TENM3: variants seen among roughly 807,000 people sequenced by gnomAD.
The protein encoded by TENM3 is teneurin transmembrane protein 3, also known as teneurin-3.
A neutral mutation model predicts 255.1 loss-of-function variants in TENM3; 63 were observed. The ratio of observed to expected loss-of-function variants is 0.25; its 90% CI spans 0.20 to 0.30. TENM3 has a LOEUF of 0.30. Among genes scored for constraint, TENM3 ranks in the 10% least tolerant of loss-of-function variants. The pLI is 1.00. For missense variants in TENM3, 2,929 were observed against 3,461.1 expected (o/e 0.85, Z 3.86); for synonymous variants, 1,306 against 1,322.3 (o/e 0.99, Z 0.27).
intron 1 of TENM3, among the ~76,000 whole-genome samples, chr4:182,167,857 C>G (rs1169499388): frequency 1.3e-5 from 2 of 152,148 alleles, no homozygotes; most frequent in African/African-American, 4.8e-5. Context: ...GTGCTCCAGC[C>G]TGGGTGACGG....
In TENM3 at chr4:182,793,760, G is replaced by A. The variant is rs1766285013; in HGVS notation, c.7088G>A (p.Arg2363Gln). ...GERDYDILAG[R>Q]WTTPDIEIWK... is the part of the protein sequence containing the mutation. ...AGAGATTATGACATTTTGGCAGGAC[G>A]GTGGACAACACCTGACATAGAAATC... The change falls in exon 26 of 28, where the codon CGG becomes CAG. Residue 2363 changes from arginine to glutamine, a missense_variant. Arg to Gln is a conservative substitution (Grantham distance 43). Transcript: ENST00000511685. This position sits in a 1 kb window ranked among gnomAD's most constrained non-coding sequence, Gnocchi z 5.7. 1.2e-6 allele frequency: 2 copies of A among 1,613,950 alleles called. No homozygotes were observed. Among genetic ancestry groups the A allele is most frequent in the Non-Finnish European group, 1.7e-6 (2 of 1,179,874 alleles).
chr4:181,533,024 C>T, the TENM3 span, among the ~76,000 whole-genome samples: 7 of 152,112 alleles, frequency 4.6e-5, no homozygotes, highest in Non-Finnish European at 1.0e-4. Flanking sequence ...ATTTTACAAA[C>T]GTGAAGACAT....
In TENM3 at chr4:182,560,415, T is replaced by A. The variant is rs1350482503; in HGVS notation, c.512-40509T>A. Among the ~76,000 whole-genome samples, 3 of 152,170 alleles carry A rather than the reference T, an allele frequency of 2.0e-5. No individual in the cohort carries two copies. In the East Asian group the frequency reaches 5.8e-4, roughly 29 times the overall value. ...TTCAATATTTCAAAACTTTCGTTAT[T>A]CCCTCGAGCTCAGTGCCCCCTCTAC... is the stretch of plus-strand genomic sequence containing the variant. On this transcript the variant is annotated intron_variant, in intron 3 of 27. Coordinates refer to ENST00000511685, the MANE Select transcript of TENM3 (RefSeq NM_001080477.4).
the TENM3 span, among the ~76,000 whole-genome samples, chr4:181,920,017 AATG>A: frequency 6.6e-6 from 1 of 151,322 alleles, no homozygotes; most frequent in Non-Finnish European, 1.5e-5. Flanking sequence ...GTTTACTGAG[AATG>A]ATGATTTCCA....
intron 3 of TENM3, among the ~76,000 whole-genome samples, chr4:182,351,706 C>T (rs1765192609): frequency 6.6e-6 from 1 of 152,150 alleles, no homozygotes; most frequent in African/African-American, 2.4e-5. Context: ...CCATTGAGGA[C>T]AGTCTTTGCG....
At chr4:181,754,284 TCACACACA>T in the TENM3 span, among the ~76,000 whole-genome samples, 38 of 144,608 alleles carry the variant, frequency 2.6e-4, no homozygotes, top group African/African-American at 4.6e-4. Flanking sequence ...TATATCCCAG[TCACACACA>T]CACACACACA....
At chr4:181,704,279 G>A in the TENM3 span, among the ~76,000 whole-genome samples, 2 of 152,230 alleles carry the variant, frequency 1.3e-5, no homozygotes, top group East Asian at 3.9e-4. Flanking sequence ...TCCAACCCAT[G>A]TTTCTCTCTC....
At chr4:181,475,282 T>G in the TENM3 span, among the ~76,000 whole-genome samples, 3 of 152,026 alleles carry the variant, frequency 2.0e-5, no homozygotes, top group Non-Finnish European at 4.4e-5. Context: ...GTCATGCAAA[T>G]AAATCCACTG....
intron 1 of TENM3, among the ~76,000 whole-genome samples, chr4:182,245,956 G>T (rs1418287572): frequency 6.6e-6 from 1 of 152,122 alleles, no homozygotes; most frequent in Non-Finnish European, 1.5e-5. Context: ...TTATTGGCGG[G>T]CGCTCCTGCT....
At chr4:181,818,320 A>G in the TENM3 span, among the ~76,000 whole-genome samples, 1 of 152,134 alleles carries the variant, frequency 6.6e-6, no homozygotes. Context: ...GCCTGATTCA[A>G]TCAGTTGGAA....
At chr4:181,862,008 T>G in the TENM3 span, among the ~76,000 whole-genome samples, 2 of 152,152 alleles carry the variant, frequency 1.3e-5, no homozygotes, top group East Asian at 3.8e-4. Flanking sequence ...TCTTCTGATC[T>G]ATGCTCACCT....
At chr4:181,467,018 C>T in the TENM3 span, among the ~76,000 whole-genome samples, 3 of 144,296 alleles carry the variant, frequency 2.1e-5, no homozygotes, top group Non-Finnish European at 4.5e-5. Context: ...TCAGAACTTA[C>T]TCTATTACAT....
chr4:181,858,617 A>C, the TENM3 span, among the ~76,000 whole-genome samples: 1 of 152,150 alleles, frequency 6.6e-6, no homozygotes, highest in Non-Finnish European at 1.5e-5. Flanking sequence ...AGGTAATCCT[A>C]CCTGACAGCT....
the TENM3 span, among the ~76,000 whole-genome samples, chr4:182,020,135 C>A: frequency 6.6e-6 from 1 of 152,008 alleles, no homozygotes; most frequent in Non-Finnish European, 1.5e-5. Flanking sequence ...GAGGCTGAGG[C>A]GGCCAGATCC....
At chr4:181,822,598 A>G in the TENM3 span, among the ~76,000 whole-genome samples, 253 of 152,310 alleles carry the variant, frequency 1.7e-3, 2 homozygotes, top group African/African-American at 5.8e-3. Flanking sequence ...CAGAATGGTT[A>G]TTTAGTATAT....
chr4:181,659,905 G>T, the TENM3 span, among the ~76,000 whole-genome samples: 1 of 152,018 alleles, frequency 6.6e-6, no homozygotes, highest in African/African-American at 2.4e-5. Flanking sequence ...TTGAAAAATT[G>T]AGGCTTTGTA....
rs374269544 is a variant in TENM3 at position 182,575,855 on chromosome 4, A to T, written c.512-25069A>T. Among the ~76,000 whole-genome samples, 51 of 152,356 alleles carry T rather than the reference A, an allele frequency of 3.3e-4. No homozygotes were observed. In the South Asian group the frequency reaches 9.7e-3, roughly 29 times the overall value. ...CTGTCCTTAAGGTTTTCATCCCTAAACATGAATAATAATAAGTCAGAGAGT... is the reference window on the plus strand; with the variant it reads ...CTGTCCTTAAGGTTTTCATCCCTAATCATGAATAATAATAAGTCAGAGAGT... On this transcript the variant is annotated intron_variant, in intron 3 of 27. Transcript: ENST00000511685.
At chr4:181,897,361 T>C in the TENM3 span, among the ~76,000 whole-genome samples, 203 of 152,290 alleles carry the variant, frequency 1.3e-3, no homozygotes, top group Non-Finnish European at 2.3e-3. Flanking sequence ...CTAAAGAGCA[T>C]GAAATGTGTT....
intron 1 of TENM3, among the ~76,000 whole-genome samples, chr4:182,158,281 T>G (rs2122439): frequency 0.49 from 74,915 of 152,084 alleles, 18,630 homozygotes; most frequent in Non-Finnish European, 0.53. Flanking sequence ...CTCATTGGGG[T>G]AATAAAAAAC....
Sources: gnomAD v4.1 joint callset for allele counts (sites outside exome capture counted in the v4.1 genomes callset) on GRCh38, gnomAD v4.1.1 for gene constraint, Gnocchi (gnomAD v3.1) non-coding constraint, MANE v1.5 for transcripts, NCBI Gene and HGNC (gene_info 2026-07-23, HGNC 2026-07-21) for gene names.